UNC45B: variants seen among roughly 807,000 people sequenced by gnomAD.
UNC45B encodes the protein protein unc-45 homolog B.
Under a neutral mutation model 98.7 loss-of-function variants are expected in UNC45B, and 78 were observed. That is an observed-to-expected ratio of 0.79 (90% confidence interval 0.66 to 0.95). UNC45B has a LOEUF of 0.95. UNC45B is among the 40% of genes least tolerant of loss of function. The pLI is 0.00. For missense variants in UNC45B, 1,225 were observed against 1,184.9 expected (o/e 1.03, Z -0.50); for synonymous variants, 462 against 480.4 (o/e 0.96, Z 0.50).
At chr17:35,158,243 G>A (rs936910943) in intron 7 of UNC45B, among the ~76,000 whole-genome samples, 26 of 152,160 alleles carry the variant, frequency 1.7e-4, no homozygotes, top group African/African-American at 5.8e-4. Flanking sequence ...TTCCTTTTCT[G>A]AGCTAGAATT....
chr17:35,174,967 G>A (rs1258365941), intron 14 of UNC45B, among the ~76,000 whole-genome samples: 1 of 144,444 alleles, frequency 6.9e-6, no homozygotes, highest in African/African-American at 2.6e-5. Context: ...GAAAGAGAAA[G>A]AAAGAGGAAG....
chr17:35,168,171 G>C lies in UNC45B; in HGVS notation c.1262G>C (p.Gly421Ala). The C allele has an allele frequency of 6.2e-7, 1 of 1,607,178 alleles. No homozygotes were observed. The highest frequency in any genetic ancestry group is 1.7e-4 in the Middle Eastern group (1 of 6,034). The change falls in exon 10 of 20, where the codon GGT becomes GCT. Residue 421 changes from glycine to alanine, a missense_variant. Coordinates refer to ENST00000394570, the MANE Select transcript of UNC45B (RefSeq NM_001267052.2). ...GGCAACCAGCTGCTGGGACTGAAAG[G>C]TGTGATGGAGATGATGGTGGCACTA... is the stretch of plus-strand genomic sequence containing the variant. Reference protein sequence around the residue: ...DLGNQLLGLKGVMEMMVALCG... With the variant: ...DLGNQLLGLKAVMEMMVALCG...
In UNC45B at chr17:35,148,987, G is replaced by C; in HGVS notation, c.183G>C (p.Gln61His). 1 of 1,614,068 alleles carries C rather than the reference G, an allele frequency of 6.2e-7. No homozygotes were observed. The stretch of plus-strand genomic sequence containing the variant: ...CCTTTCCTCAGGAGAGCTACGTCCA[G>C]GCAGCTTCAGATGCCTCCAGAGGTG... ...ACGLKTESYV[Q>H]AASDASRAID... is the part of the protein sequence containing the mutation. Residue 61 changes from glutamine (Q) to histidine (H), a missense_variant, in exon 3 of 20, where the codon CAG (glutamine) becomes CAC (histidine). By Grantham distance (24) the Gln-to-His change is conservative. Transcript: ENST00000394570.
intron 15 of UNC45B, 57 bp downstream of exon 15, chr17:35,176,091 C>A: frequency 6.4e-7 from 1 of 1,557,490 alleles, no homozygotes; most frequent in Non-Finnish European, 8.9e-7. Flanking sequence ...TTGCCTAGCG[C>A]AAGAATTATG....
chr17:35,186,891 T>C lies in UNC45B; in HGVS notation c.*332T>C, dbSNP rs930099234. 4.1e-6 allele frequency: 1 copy of C among 241,414 alleles called. No homozygotes were observed. The highest frequency in any genetic ancestry group is 8.2e-6 in the Non-Finnish European group (1 of 122,082). 15.0% of individuals were successfully genotyped at this position (241,414 alleles called of 1,614,324 possible). ...CAGGATAATAGGTTGAAGTTCTTTATATTTTGGAAAATGGATTTTGTGGTA... is the reference window on the plus strand; with the variant it reads ...CAGGATAATAGGTTGAAGTTCTTTACATTTTGGAAAATGGATTTTGTGGTA... On this transcript the variant is annotated 3_prime_UTR_variant, in exon 20 of 20. Transcript: ENST00000394570.
At chr17:35,165,796 G>A (rs1005642285) in intron 9 of UNC45B, among the ~76,000 whole-genome samples, 2 of 152,020 alleles carry the variant, frequency 1.3e-5, no homozygotes, top group Admixed American at 6.6e-5. Context: ...AAAATTAGCC[G>A]AGTATGGTGG....
chr17:35,155,987 T>C (rs1215262074), intron 7 of UNC45B, among the ~76,000 whole-genome samples: 1 of 152,204 alleles, frequency 6.6e-6, no homozygotes, highest in African/African-American at 2.4e-5. Flanking sequence ...CAAAATATGG[T>C]ATATACATAC....
chr17:35,149,706 C>T (rs1423249201), intron 3 of UNC45B, among the ~76,000 whole-genome samples: 3 of 152,146 alleles, frequency 2.0e-5, no homozygotes, highest in Non-Finnish European at 1.5e-5. Flanking sequence ...TCAGCCACTG[C>T]GCCAGGCCCG....
At chr17:35,150,581 C>T (rs1022254782) in intron 4 of UNC45B, among the ~76,000 whole-genome samples, 1 of 152,142 alleles carries the variant, frequency 6.6e-6, no homozygotes, top group African/African-American at 2.4e-5. Flanking sequence ...GAAACCCCGT[C>T]TCTACTAAAA....
At chr17:35,156,207 C>G (rs8070879) in intron 7 of UNC45B, among the ~76,000 whole-genome samples, 118,892 of 152,112 alleles carry the variant, frequency 0.78, 46,704 homozygotes, top group East Asian at 0.95. Context: ...GGGGAAATGG[C>G]GGGTTATTTT....
intron 17 of UNC45B, 68 bp downstream of exon 17, chr17:35,177,678 T>A: frequency 8.4e-7 from 1 of 1,191,016 alleles, no homozygotes; most frequent in Non-Finnish European, 1.2e-6. Flanking sequence ...AAATTTCACA[T>A]AATGTGCTGA....
At chr17:35,163,941 G>A in intron 8 of UNC45B, 54 bp from the exon 9 acceptor site, 3 of 1,527,420 alleles carry the variant, frequency 2.0e-6, no homozygotes, top group South Asian at 2.6e-5. Context: ...TGAGGGGTGT[G>A]TGTGAGGATG....
chr17:35,162,771 C>T (rs953591247), intron 8 of UNC45B, among the ~76,000 whole-genome samples: 9 of 152,136 alleles, frequency 5.9e-5, no homozygotes, highest in Non-Finnish European at 1.0e-4. Flanking sequence ...TTAGTAGAGG[C>T]GGGGTTTTGC....
rs1213305154 is a variant in UNC45B, at chr17:35,168,183, T to C, written c.1274T>C (p.Met425Thr). 6.2e-7 allele frequency: 1 copy of C among 1,606,564 alleles called. No homozygotes were observed. Among genetic ancestry groups the C allele is most frequent in the Non-Finnish European group, 8.5e-7 (1 of 1,176,248 alleles). Reference sequence around the variant, plus strand: ...CTGGGACTGAAAGGTGTGATGGAGATGATGGTGGCACTATGTGGCTCAGAG... The same window carrying C: ...CTGGGACTGAAAGGTGTGATGGAGACGATGGTGGCACTATGTGGCTCAGAG... ...QLLGLKGVME[M>T]MVALCGSERE... The change falls in exon 10 of 20, where the codon ATG becomes ACG. Residue 425 changes from methionine (M) to threonine (T), a missense_variant. Coordinates refer to ENST00000394570, the MANE Select transcript of UNC45B (RefSeq NM_001267052.2).
chr17:35,172,808 C>T (rs1037184336), intron 13 of UNC45B, among the ~76,000 whole-genome samples: 8 of 152,224 alleles, frequency 5.3e-5, no homozygotes, highest in Non-Finnish European at 1.0e-4. Flanking sequence ...TCTACCTCCA[C>T]TCCCACCTCA....
At chr17:35,185,384 T>G (rs976831386) in intron 19 of UNC45B, among the ~76,000 whole-genome samples, 1 of 152,126 alleles carries the variant, frequency 6.6e-6, no homozygotes, top group Non-Finnish European at 1.5e-5. Context: ...CTTGGCTCAC[T>G]GCAACTTCCA....
intron 9 of UNC45B, among the ~76,000 whole-genome samples, chr17:35,167,564 G>T (rs2092149737): frequency 6.6e-6 from 1 of 151,648 alleles, no homozygotes; most frequent in Admixed American, 6.6e-5. Flanking sequence ...TGAGGTCACA[G>T]TGAGCTATGA....
chr17:35,175,881 T>C lies in UNC45B; in HGVS notation c.1959-87T>C, dbSNP rs1224076411. 5.4e-6 allele frequency: 7 copies of C among 1,294,492 alleles called. No individual in the cohort carries two copies. In the Admixed American group the frequency reaches 8.8e-5, roughly 16 times the overall value. 80.2% of individuals were successfully genotyped at this position (1,294,492 alleles called of 1,614,324 possible). A position where few individuals can be genotyped will look rare whatever the true frequency, so the allele number is the denominator to read the frequency against. ...CTCCCTTTTCATCCCAGGGTTTCAC[T>C]GGCTCCGACTGGCTGGCCTGCTGCT... On this transcript the variant is annotated intron_variant, in intron 14 of 19. Transcript: ENST00000394570.
Position 35,183,475 on chromosome 17 carries a change from G to C in UNC45B, c.2422G>C (p.Val808Leu), listed in dbSNP as rs762500626. 1 of 1,604,652 alleles carries C rather than the reference G, an allele frequency of 6.2e-7. No individual in the cohort carries two copies. Among genetic ancestry groups the C allele is most frequent in the Admixed American group, 1.7e-5 (1 of 58,944 alleles). The change falls in exon 19 of 20, where the codon GTG (valine) becomes CTG (leucine). Residue 808 changes from valine to leucine, a missense_variant. Transcript: ENST00000394570. ...ADGNDRLKLVVLLCGEDDDKV... is the reference protein window; with the variant it reads ...ADGNDRLKLVLLLCGEDDDKV... ...CGGGAATGACCGGCTGAAGCTGGTGGTGCTGCTCTGCGGGGAGGATGATGA... is the reference window on the plus strand; with the variant it reads ...CGGGAATGACCGGCTGAAGCTGGTGCTGCTGCTCTGCGGGGAGGATGATGA...
Sources: gnomAD v4.1 joint callset for allele counts (sites outside exome capture counted in the v4.1 genomes callset) on GRCh38, gnomAD v4.1.1 for gene constraint, MANE v1.5 for transcripts, NCBI Gene and HGNC (gene_info 2026-07-23, HGNC 2026-07-21) for gene names.